FOXN3: variants seen among roughly 807,000 people sequenced by gnomAD.
FOXN3 encodes forkhead box N3, also known as forkhead box protein N3.
FOXN3 carries 7 observed loss-of-function variants against 38.4 expected under a neutral mutation model. That is an observed-to-expected ratio of 0.18 (90% CI 0.10 to 0.34). FOXN3 has a LOEUF of 0.34. FOXN3 is among the 10% of genes least tolerant of loss of function. The probability of loss-of-function intolerance (pLI) is 1.00; values close to 1 mark genes in which losing one functional copy is unlikely to be tolerated. For missense variants in FOXN3, 456 were observed against 613.4 expected (o/e 0.74, Z 2.71); for synonymous variants, 230 against 242.2 (o/e 0.95, Z 0.47).
chr14:89,186,245 G>C (rs1229552211), intron 4 of FOXN3, among the ~76,000 whole-genome samples: 2 of 152,116 alleles, frequency 1.3e-5, no homozygotes, highest in Admixed American at 1.3e-4. Flanking sequence ...TGCTGTGCCT[G>C]GTGTGTCTGA....
intron 3 of FOXN3, among the ~76,000 whole-genome samples, chr14:89,314,002 G>A (rs1406242770): frequency 1.3e-5 from 2 of 152,214 alleles, no homozygotes; most frequent in East Asian, 3.9e-4. Flanking sequence ...AGGGGGAGTT[G>A]GAGAGTATCA....
At chr14:89,407,170 T>C (rs1392397646) in intron 2 of FOXN3, among the ~76,000 whole-genome samples, 2 of 151,818 alleles carry the variant, frequency 1.3e-5, no homozygotes, top group African/African-American at 2.4e-5. Context: ...TGACAGGAAA[T>C]AGAAGGAGAG....
intron 1 of FOXN3, chr14:89,577,255 G>C (rs59894277): frequency 1.3e-5 from 2 of 152,132 alleles, no homozygotes; most frequent in African/African-American, 4.8e-5. Context: ...AGAATCCTAA[G>C]GACTAGACTC....
intron 4 of FOXN3, among the ~76,000 whole-genome samples, chr14:89,234,880 C>T (rs1596121402): frequency 6.6e-6 from 1 of 152,234 alleles, no homozygotes. Flanking sequence ...AGCAGGGCTG[C>T]CCCATCCCCA....
intron 1 of FOXN3, among the ~76,000 whole-genome samples, chr14:89,528,521 C>T (rs911584743): frequency 6.6e-6 from 1 of 151,292 alleles, no homozygotes; most frequent in Non-Finnish European, 1.5e-5. Context: ...CTCAGCCTCC[C>T]GAGTAGCTGG....
At chr14:89,589,307 T>C (rs1823622188) in intron 1 of FOXN3, among the ~76,000 whole-genome samples, 1 of 152,206 alleles carries the variant, frequency 6.6e-6, no homozygotes, top group South Asian at 2.1e-4. Flanking sequence ...ATTTCAGATT[T>C]ACCTACAGGT....
At chr14:89,512,516 T>G (rs1482982276) in intron 1 of FOXN3, among the ~76,000 whole-genome samples, 31 of 152,204 alleles carry the variant, frequency 2.0e-4, no homozygotes, top group Admixed American at 2.0e-3. Context: ...CCACGGAAGA[T>G]AAGAGTTATT....
At chr14:89,570,575 A>C (rs1216697677) in intron 1 of FOXN3, among the ~76,000 whole-genome samples, 1 of 152,166 alleles carries the variant, frequency 6.6e-6, no homozygotes, top group Non-Finnish European at 1.5e-5. Context: ...ATGGAAAACC[A>C]AGCTTGTCCA....
intron 1 of FOXN3, among the ~76,000 whole-genome samples, chr14:89,426,215 ATTTTTTTTTT>A (rs33964198): frequency 7.7e-5 from 6 of 77,562 alleles, no homozygotes; most frequent in Admixed American, 5.7e-4. Flanking sequence ...AGGAGTACTG[ATTTTTTTTTT>A]TTTTTTTTTT....
chr14:89,596,859 T>C (rs1040117176), intron 1 of FOXN3, among the ~76,000 whole-genome samples: 1 of 152,160 alleles, frequency 6.6e-6, no homozygotes, highest in African/African-American at 2.4e-5. Context: ...ATACCCTTTT[T>C]TCATTCCTCA....
rs1241564059 is a variant in FOXN3 at position 89,161,574 on chromosome 14, T to TGTGTGTGC, written c.*839_*840insGCACACAC. 2 of 145,010 alleles carry TGTGTGTGC rather than the reference T, an allele frequency of 1.4e-5. No homozygotes were observed. Among genetic ancestry groups the TGTGTGTGC allele is most frequent in the African/African-American group, 5.0e-5 (2 of 40,102 alleles). The allele number at this position is 145,010 out of a possible 1,614,324, so 9.0% of individuals were successfully genotyped here. On this transcript the variant is annotated 3_prime_UTR_variant, in exon 6 of 6. Transcript: ENST00000557258. The stretch of plus-strand genomic sequence containing the variant: ...TCTCCTTCGTGTGTGTGTGTGTGTG[T>TGTGTGTGC]GTGTGTGTGTGTGTGTGTGTGTGCG...
chr14:89,188,319 C>T (rs1887861159), intron 4 of FOXN3, among the ~76,000 whole-genome samples: 1 of 152,194 alleles, frequency 6.6e-6, no homozygotes, highest in African/African-American at 2.4e-5. Context: ...GTCAACTCAT[C>T]AGGAGAAGCC....
At chr14:89,298,198 A>G (rs1887103742) in intron 3 of FOXN3, among the ~76,000 whole-genome samples, 1 of 152,076 alleles carries the variant, frequency 6.6e-6, no homozygotes, top group Non-Finnish European at 1.5e-5. Flanking sequence ...AAAGACAAAC[A>G]CTGTATGACT....
chr14:89,424,424 G>A (rs1317405457), intron 1 of FOXN3, among the ~76,000 whole-genome samples: 1 of 152,204 alleles, frequency 6.6e-6, no homozygotes, highest in Non-Finnish European at 1.5e-5. Context: ...GAGCAAACAG[G>A]AGAATTGCTA....
chr14:89,559,434 T>C (rs1895201419), intron 1 of FOXN3, among the ~76,000 whole-genome samples: 1 of 152,070 alleles, frequency 6.6e-6, no homozygotes, highest in Non-Finnish European at 1.5e-5. Context: ...TCCCAGCACT[T>C]TGGGAAGCTG....
At chr14:89,436,422 T>G in intron 1 of FOXN3, among the ~76,000 whole-genome samples, 1 of 152,078 alleles carries the variant, frequency 6.6e-6, no homozygotes, top group African/African-American at 2.4e-5. Context: ...CAAAGTGACG[T>G]AGGGTCACAT....
At chr14:89,535,653 C>A (rs1392797107) in intron 1 of FOXN3, among the ~76,000 whole-genome samples, 2 of 152,206 alleles carry the variant, frequency 1.3e-5, no homozygotes, top group East Asian at 3.8e-4. Context: ...TTTCAACAAG[C>A]AGAGCTTGCT....
intron 2 of FOXN3, among the ~76,000 whole-genome samples, chr14:89,405,398 A>C (rs1208818201): frequency 6.6e-6 from 1 of 152,090 alleles, no homozygotes; most frequent in Non-Finnish European, 1.5e-5. Flanking sequence ...TGGCCTCCTA[A>C]AGTGTGGGAT....
At chr14:89,349,997 A>G (rs905393367) in intron 3 of FOXN3, among the ~76,000 whole-genome samples, 5 of 152,174 alleles carry the variant, frequency 3.3e-5, no homozygotes, top group Admixed American at 2.6e-4. Context: ...TTGATCTTAA[A>G]AATTTGGTTC....
Sources: allele counts gnomAD v4.1 joint callset (sites outside exome capture counted in the v4.1 genomes callset), GRCh38; gene constraint gnomAD v4.1.1; transcripts MANE v1.5; gene names NCBI Gene and HGNC (gene_info 2026-07-23, HGNC 2026-07-21).